Variants in PCDH9 observed in about 807,000 individuals in gnomAD.
PCDH9 encodes protocadherin-9.
In PCDH9, 24 loss-of-function variants were observed where a neutral mutation model predicts 70.6. That is an observed-to-expected ratio of 0.34 (90% CI 0.25 to 0.48). The LOEUF is 0.48. Among genes scored for constraint, PCDH9 ranks in the 20% least tolerant of loss-of-function variants. The pLI, the probability that PCDH9 is intolerant of heterozygous loss-of-function variation, is 0.99. For missense variants in PCDH9, 1,281 were observed against 1,503.6 expected, an observed-to-expected ratio of 0.85 and a Z score of 2.45; for synonymous variants, 562 against 558.5, an observed-to-expected ratio of 1.01 and a Z score of -0.09.
chr13:66,664,704 A>G (rs2078068615), intron 3 of PCDH9, among the ~76,000 whole-genome samples: 1 of 152,152 alleles, frequency 6.6e-6, no homozygotes, highest in East Asian at 1.9e-4. Context: ...ATCCTTAAAG[A>G]GACAGGCATA....
intron 3 of PCDH9, chr13:66,782,760 T>C (rs947984548): frequency 1.3e-5 from 2 of 152,102 alleles, no homozygotes; most frequent in African/African-American, 2.4e-5. Context: ...TGGTCTGGAG[T>C]TTATTCAGAG....
intron 2 of PCDH9, among the ~76,000 whole-genome samples, chr13:67,029,946 C>T (rs926823798): frequency 6.6e-6 from 1 of 152,162 alleles, no homozygotes; most frequent in African/African-American, 2.4e-5. Context: ...GAAACACCCA[C>T]ATTATTGCAA....
chr13:66,794,888 A>G (rs985775657), intron 3 of PCDH9, among the ~76,000 whole-genome samples: 3 of 151,954 alleles, frequency 2.0e-5, no homozygotes, highest in African/African-American at 4.8e-5. Flanking sequence ...AAATAAAGTT[A>G]AAGTGAATGA....
chr13:66,651,830 T>C (rs1211168874), intron 3 of PCDH9, among the ~76,000 whole-genome samples: 2 of 152,072 alleles, frequency 1.3e-5, no homozygotes, highest in Non-Finnish European at 2.9e-5. Flanking sequence ...GTGAGATTTA[T>C]CCCAGGGATG....
intron 3 of PCDH9, among the ~76,000 whole-genome samples, chr13:66,707,291 G>T (rs909858071): frequency 2.6e-5 from 4 of 152,068 alleles, no homozygotes; most frequent in African/African-American, 9.7e-5. Flanking sequence ...ATTTTGACTA[G>T]GTTTTCAAAA....
chr13:67,031,899 C>T (rs1234876448), intron 2 of PCDH9, among the ~76,000 whole-genome samples: 1 of 152,064 alleles, frequency 6.6e-6, no homozygotes, highest in Non-Finnish European at 1.5e-5. Flanking sequence ...ATACACAGCC[C>T]TTCTGGTCTT....
intron 4 of PCDH9, among the ~76,000 whole-genome samples, chr13:66,445,073 ATATC>A (rs1405257431): frequency 1.4e-5 from 2 of 147,372 alleles, no homozygotes; most frequent in Non-Finnish European, 3.0e-5. Flanking sequence ...AATATGTATT[ATATC>A]TATCATATAT....
chr13:67,032,471 C>G (rs2084927863), intron 2 of PCDH9, among the ~76,000 whole-genome samples: 2 of 152,112 alleles, frequency 1.3e-5, no homozygotes, highest in Admixed American at 6.6e-5. Flanking sequence ...GTCAACATCA[C>G]TCTTCGTAAG....
At chr13:66,512,881 T>C (rs561011292) in intron 4 of PCDH9, among the ~76,000 whole-genome samples, 53 of 152,130 alleles carry the variant, frequency 3.5e-4, no homozygotes, top group Middle Eastern at 6.8e-3. Context: ...CAGGCTGGAG[T>C]GGAATGGTGC....
At chr13:66,516,609 AT>A (rs1959747439) in intron 4 of PCDH9, among the ~76,000 whole-genome samples, 2 of 152,214 alleles carry the variant, frequency 1.3e-5, no homozygotes, top group Admixed American at 1.3e-4. Flanking sequence ...ATTTTGATTA[AT>A]GGATCCAATT....
intron 4 of PCDH9, among the ~76,000 whole-genome samples, chr13:66,307,942 T>A (rs538695000): frequency 3.3e-5 from 5 of 152,120 alleles, no homozygotes; most frequent in Non-Finnish European, 7.4e-5. Context: ...CAACATTTAT[T>A]TATTCCACGA....
intron 2 of PCDH9, among the ~76,000 whole-genome samples, chr13:67,062,760 A>G (rs1252577215): frequency 6.6e-6 from 1 of 152,194 alleles, no homozygotes; most frequent in Non-Finnish European, 1.5e-5. Flanking sequence ...TCCTAAGACA[A>G]TTGTGGAGAA....
intron 2 of PCDH9, among the ~76,000 whole-genome samples, chr13:67,188,808 T>C (rs1287938758): frequency 2.0e-5 from 3 of 152,050 alleles, no homozygotes; most frequent in Non-Finnish European, 4.4e-5. Context: ...TTTCTGTAAG[T>C]TTTAGGGGAA....
intron 3 of PCDH9, among the ~76,000 whole-genome samples, chr13:66,813,489 A>G (rs1211180481): frequency 2.0e-5 from 3 of 151,728 alleles, no homozygotes; most frequent in Admixed American, 1.3e-4. Flanking sequence ...AAGGGAGGAA[A>G]GGAGGAAGGA....
chr13:66,808,331 A>G (rs2080443371), intron 3 of PCDH9, among the ~76,000 whole-genome samples: 1 of 152,204 alleles, frequency 6.6e-6, no homozygotes, highest in South Asian at 2.1e-4. Context: ...ATAAAGCAAC[A>G]TAGACCAGAT....
At chr13:66,663,522 T>C (rs1001224452) in intron 3 of PCDH9, among the ~76,000 whole-genome samples, 1 of 152,178 alleles carries the variant, frequency 6.6e-6, no homozygotes, top group African/African-American at 2.4e-5. Flanking sequence ...TTTTCTAACA[T>C]AGAAAAGTGA....
chr13:66,581,325 G>C (rs1322301565), intron 4 of PCDH9, among the ~76,000 whole-genome samples: 1 of 152,122 alleles, frequency 6.6e-6, no homozygotes, highest in African/African-American at 2.4e-5. Context: ...TAAGCCTTAA[G>C]ATAGCATAAT....
chr13:67,067,842 T>C (rs1416340880), intron 2 of PCDH9, among the ~76,000 whole-genome samples: 4 of 151,978 alleles, frequency 2.6e-5, no homozygotes, highest in African/African-American at 9.7e-5. Context: ...GTTTGGTAGA[T>C]AGGATCAGGT....
At chr13:66,416,600 C>T (rs746859582) in intron 4 of PCDH9, among the ~76,000 whole-genome samples, 8 of 152,186 alleles carry the variant, frequency 5.3e-5, no homozygotes, top group Non-Finnish European at 1.2e-4. Context: ...ATTTGACAAG[C>T]AAGACTTTGC....
Sources: allele counts gnomAD v4.1 joint callset (sites outside exome capture counted in the v4.1 genomes callset), GRCh38; gene constraint gnomAD v4.1.1; transcripts MANE v1.5; gene names NCBI Gene and HGNC (gene_info 2026-07-23, HGNC 2026-07-21).